The following GGTA1 variants were observed in gnomAD, a reference collection of about 807,000 sequenced individuals.
GGTA1 encodes the protein inactive N-acetyllactosaminide alpha-1,3-galactosyltransferase.
In GGTA1, 5 loss-of-function variants were observed where a neutral mutation model predicts 2.6. The ratio of observed to expected loss-of-function variants is 1.92; its 90% CI spans 1.00 to 4.04. The LOEUF (loss-of-function observed/expected upper bound fraction) is 4.04. Among genes scored for constraint, GGTA1 ranks in the 30% most tolerant of loss-of-function variants. The pLI, the probability that GGTA1 is intolerant of heterozygous loss-of-function variation, is 0.00. For synonymous variants in GGTA1, 17 were observed against 5.0 expected (o/e 3.38, Z -3.19); for missense variants, 50 against 16.7 (o/e 2.99, Z -3.47).
chr9:121,481,237 T>C (rs1237031738), intron 1 of GGTA1, among the ~76,000 whole-genome samples: 1 of 150,666 alleles, frequency 6.6e-6, no homozygotes, highest in African/African-American at 2.4e-5. Flanking sequence ...AGGTAAATTA[T>C]CACCTAGTCC....
intron 1 of GGTA1, among the ~76,000 whole-genome samples, chr9:121,473,940 G>GGAGAGAGA (rs761577056): frequency 6.5e-5 from 8 of 122,376 alleles, no homozygotes; most frequent in African/African-American, 1.3e-4. Flanking sequence ...AAAGAGAGAA[G>GGAGAGAGA]GAGAGAGAGA....
chr9:121,470,899 C>T (rs981821103), intron 1 of GGTA1, among the ~76,000 whole-genome samples: 3 of 152,220 alleles, frequency 2.0e-5, no homozygotes, highest in East Asian at 1.9e-4. Flanking sequence ...TTCAGTCTCC[C>T]GCATAGCGGG....
At chr9:121,492,357 C>A (rs1162740201) in intron 1 of GGTA1, among the ~76,000 whole-genome samples, 1 of 152,236 alleles carries the variant, frequency 6.6e-6, no homozygotes, top group African/African-American at 2.4e-5. Flanking sequence ...CCACAGTACC[C>A]ATAGCTAGCA....
intron 1 of GGTA1, among the ~76,000 whole-genome samples, chr9:121,480,381 C>T (rs1828617137): frequency 6.6e-6 from 1 of 152,060 alleles, no homozygotes; most frequent in South Asian, 2.1e-4. Context: ...AATGTCGAAA[C>T]AGCTAAAACT....
intron 2 of GGTA1, among the ~76,000 whole-genome samples, 191 bp from the exon 3 acceptor site, chr9:121,463,519 G>A (rs2064977922): frequency 6.6e-6 from 1 of 152,010 alleles, no homozygotes; most frequent in African/African-American, 2.4e-5. Context: ...AGGATCTCAA[G>A]GGGAAACAGT....
chr9:121,466,030 C>T (rs1039472983), intron 2 of GGTA1, among the ~76,000 whole-genome samples: 9 of 152,164 alleles, frequency 5.9e-5, no homozygotes, highest in African/African-American at 2.2e-4. Context: ...ATCCTCCCAC[C>T]TCAGCGTCGT....
At chr9:121,492,439 G>A (rs758587262) in intron 1 of GGTA1, among the ~76,000 whole-genome samples, 1 of 152,004 alleles carries the variant, frequency 6.6e-6, no homozygotes, top group Non-Finnish European at 1.5e-5. Context: ...CACCCCTAAG[G>A]GGAGCCGAGT....
chr9:121,455,764 T>C lies in GGTA1; in HGVS notation c.*73A>G. 3 of 446,546 alleles carry C rather than the reference T, an allele frequency of 6.7e-6. No individual in the cohort carries two copies. Among genetic ancestry groups the C allele is most frequent in the South Asian group, 4.8e-5 (3 of 63,054 alleles). The allele number at this position is 446,546 out of a possible 1,614,324, so 27.7% of individuals were successfully genotyped here. On this transcript the variant is annotated 3_prime_UTR_variant, in exon 6 of 6. Coordinates refer to ENST00000481799, the MANE Select transcript of GGTA1 (RefSeq NM_001382585.1). ...GCCTGTTACACACTCCTTAACCGCATGATCTCTCAGTCCAGGTCTTCTAGA... is the reference window on the plus strand; with the variant it reads ...GCCTGTTACACACTCCTTAACCGCACGATCTCTCAGTCCAGGTCTTCTAGA...
rs1435333890 is a variant in GGTA1 at position 121,476,966 on chromosome 9, G to T, written c.-9-9035C>A. ...AGGTCCCAGAAACAACCGGTCCCAGGTGGACCTTGTTGAGCACCTGGGCCC... is the reference window on the plus strand; with the variant it reads ...AGGTCCCAGAAACAACCGGTCCCAGTTGGACCTTGTTGAGCACCTGGGCCC... On this transcript the variant is annotated intron_variant, in intron 1 of 5. Coordinates refer to ENST00000481799, the MANE Select transcript of GGTA1 (RefSeq NM_001382585.1). The surrounding 1 kb of genome is among the most constrained non-coding windows in gnomAD (Gnocchi z 4.6). Among the ~76,000 whole-genome samples, 6 of 152,176 alleles carry T rather than the reference G, an allele frequency of 3.9e-5. No homozygotes were observed. The highest frequency in any genetic ancestry group is 3.3e-4 in the Admixed American group (5 of 15,272).
Position 121,461,305 on chromosome 9 carries a change from A to G in GGTA1, c.129T>C (p.Val43=), listed in dbSNP as rs748520620. The change falls in exon 4 of 6, where the codon GTT becomes GTC. Residue 43 remains valine, a synonymous_variant. Coordinates refer to ENST00000481799, the MANE Select transcript of GGTA1 (RefSeq NM_001382585.1). The part of the protein sequence containing the change: ...LWIYHSKNPE[V]DDSSAQKGWW... ...AGCCCTTCTGAGCACTGCTGTCATC[A>G]ACTTCTGGGTTTCTAAGAAATGAAA... is the stretch of plus-strand genomic sequence containing the variant. 6 of 456,200 alleles carry G rather than the reference A, an allele frequency of 1.3e-5. No individual in the cohort carries two copies. The highest frequency in any genetic ancestry group is 9.3e-5 in the South Asian group (6 of 64,364). 28.3% of individuals were successfully genotyped at this position (456,200 alleles called of 1,614,324 possible).
intron 1 of GGTA1, among the ~76,000 whole-genome samples, chr9:121,480,385 TA>T (rs1828617219): frequency 6.6e-6 from 1 of 152,116 alleles, no homozygotes; most frequent in African/African-American, 2.4e-5. Flanking sequence ...TCGAAACAGC[TA>T]AAACTTTTTC....
chr9:121,491,071 G>A (rs1261398885), intron 1 of GGTA1, among the ~76,000 whole-genome samples: 1 of 152,148 alleles, frequency 6.6e-6, no homozygotes, highest in East Asian at 1.9e-4. Flanking sequence ...ATCAGACAGA[G>A]TTTGCTACAT....
At chr9:121,480,309 G>C (rs1385396879) in intron 1 of GGTA1, among the ~76,000 whole-genome samples, 1 of 152,166 alleles carries the variant, frequency 6.6e-6, no homozygotes, top group Admixed American at 6.5e-5. Context: ...GCCCGCCTCA[G>C]CCTCCCAAAG....
At chr9:121,473,384 CAGCAA>C (rs1464903599) in intron 1 of GGTA1, among the ~76,000 whole-genome samples, 1 of 151,468 alleles carries the variant, frequency 6.6e-6, no homozygotes, top group Non-Finnish European at 1.5e-5. Flanking sequence ...TTGCATCCTT[CAGCAA>C]AGCACTACAA....
chr9:121,471,768 C>A (rs537605029), intron 1 of GGTA1, among the ~76,000 whole-genome samples: 1 of 152,284 alleles, frequency 6.6e-6, no homozygotes, highest in African/African-American at 2.4e-5. Flanking sequence ...GCACATACAG[C>A]CCCAGACCCG....
chr9:121,479,026 G>C (rs559772894), intron 1 of GGTA1: 7 of 455,880 alleles, frequency 1.5e-5, no homozygotes, highest in Non-Finnish European at 3.1e-5. Flanking sequence ...CTGCAGCCCT[G>C]TGAGGTCCTA....
chr9:121,460,778 G>C (rs562076491), intron 4 of GGTA1, among the ~76,000 whole-genome samples: 3 of 152,240 alleles, frequency 2.0e-5, no homozygotes, highest in Admixed American at 6.5e-5. Context: ...CAAGGAGGTG[G>C]AGGTTGTAGT....
At chr9:121,489,482 C>A (rs955452534) in intron 1 of GGTA1, among the ~76,000 whole-genome samples, 3 of 152,182 alleles carry the variant, frequency 2.0e-5, no homozygotes, top group Non-Finnish European at 4.4e-5. Context: ...CCACTGTGGC[C>A]AGCCTCATTT....
chr9:121,480,004 A>G (rs1414183301), intron 1 of GGTA1, among the ~76,000 whole-genome samples: 2 of 151,934 alleles, frequency 1.3e-5, no homozygotes, highest in Non-Finnish European at 2.9e-5. Context: ...AGAATCTTGC[A>G]GCTGGAAGGG....
Sources: gnomAD v4.1 joint callset for allele counts (sites outside exome capture counted in the v4.1 genomes callset) on GRCh38, gnomAD v4.1.1 for gene constraint, Gnocchi (gnomAD v3.1) non-coding constraint, MANE v1.5 for transcripts, NCBI Gene and HGNC (gene_info 2026-07-23, HGNC 2026-07-21) for gene names.